The following PRKCE variants were observed in gnomAD, a reference collection of about 807,000 sequenced individuals.
PRKCE encodes protein kinase C epsilon.
Under a neutral mutation model 85.4 loss-of-function variants are expected in PRKCE, and 16 were observed. The ratio of observed to expected loss-of-function variants is 0.19; its 90% CI spans 0.13 to 0.28. PRKCE has a LOEUF of 0.28. Ranked by LOEUF, PRKCE falls within the 10% of genes least tolerant of loss-of-function variation. PRKCE has a pLI of 1.00. For synonymous variants in PRKCE, 388 were observed against 371.5 expected, an observed-to-expected ratio of 1.04 and a Z score of -0.51; for missense variants, 573 against 975.2, an observed-to-expected ratio of 0.59 and a Z score of 5.49.
At chr2:46,000,457 TAAAA>T (rs58175194) in intron 6 of PRKCE, among the ~76,000 whole-genome samples, 1 of 148,724 alleles carries the variant, frequency 6.7e-6, no homozygotes, top group Non-Finnish European at 1.5e-5. Flanking sequence ...CAATCTCTGA[TAAAA>T]AAAAAAAACA....
intron 2 of PRKCE, among the ~76,000 whole-genome samples, chr2:45,966,299 G>A (rs116615342): frequency 0.03 from 4,506 of 152,190 alleles, 86 homozygotes; most frequent in Non-Finnish European, 0.044. Flanking sequence ...TCCCACAAAC[G>A]TGTGCGTGAG....
intron 2 of PRKCE, among the ~76,000 whole-genome samples, chr2:45,852,263 G>C (rs914846936): frequency 2.0e-5 from 3 of 152,182 alleles, no homozygotes; most frequent in African/African-American, 4.8e-5. Flanking sequence ...AGTTCAAAGG[G>C]AGAAATGTTC....
intron 10 of PRKCE, among the ~76,000 whole-genome samples, chr2:46,014,317 C>T (rs757007240): frequency 2.0e-5 from 3 of 152,152 alleles, no homozygotes; most frequent in African/African-American, 7.2e-5. Context: ...TAAAGAACTT[C>T]TAATTCCAGT....
intron 2 of PRKCE, among the ~76,000 whole-genome samples, chr2:45,932,889 T>G (rs150680419): frequency 6.6e-6 from 1 of 152,370 alleles, no homozygotes; most frequent in African/African-American, 2.4e-5. Flanking sequence ...TATTTCTTTT[T>G]ATGACTGGCT....
chr2:46,090,219 G>A (rs541360972), intron 11 of PRKCE, among the ~76,000 whole-genome samples: 2 of 152,210 alleles, frequency 1.3e-5, no homozygotes, highest in East Asian at 3.9e-4. Context: ...CCTGATATAT[G>A]GAGTTCAGGA....
chr2:45,884,974 TATATATATATATATATATATA>T (rs1478615115), intron 2 of PRKCE, among the ~76,000 whole-genome samples: 3 of 63,154 alleles, frequency 4.8e-5, no homozygotes, highest in Non-Finnish European at 7.1e-5. Flanking sequence ...TATATATATA[TATATATATATATATATATATA>T]TATATATTTG....
intron 1 of PRKCE, among the ~76,000 whole-genome samples, chr2:45,736,761 A>G (rs938659): frequency 0.58 from 88,228 of 152,054 alleles, 26,926 homozygotes; most frequent in African/African-American, 0.78. Context: ...CCTCCAGTAG[A>G]TGTGAAGGAC....
intron 1 of PRKCE, among the ~76,000 whole-genome samples, chr2:45,667,980 T>G (rs579007): frequency 6.6e-6 from 1 of 152,052 alleles, no homozygotes; most frequent in East Asian, 1.9e-4. Flanking sequence ...TCTGTAAAAC[T>G]AAGTCAGTAC....
Position 46,001,014 on chromosome 2 carries a change from C to T in PRKCE, c.824-390C>T, listed in dbSNP as rs1704634537. ...ACTTCAATGAGCAGGTTGTTTTCAC[C>T]TGTGATGTCTTACACCAAGGACAAC... On this transcript the variant is annotated intron_variant, in intron 6 of 14. Coordinates refer to ENST00000306156, the MANE Select transcript of PRKCE (RefSeq NM_005400.3). This position sits in a 1 kb window ranked among gnomAD's most constrained non-coding sequence, Gnocchi z 4.4. The T allele has an allele frequency of 6.6e-6, 1 of 152,192 alleles. No homozygotes were observed. The highest frequency in any genetic ancestry group is 2.1e-4 in the South Asian group (1 of 4,830). 9.4% of individuals were successfully genotyped at this position (152,192 alleles called of 1,614,324 possible).
chr2:45,782,728 A>G (rs1686287098), intron 1 of PRKCE, among the ~76,000 whole-genome samples: 2 of 152,072 alleles, frequency 1.3e-5, no homozygotes, highest in South Asian at 4.1e-4. Context: ...CCTCTGTCAA[A>G]CAATCTATAC....
chr2:46,004,688 G>A lies in PRKCE; in HGVS notation c.1063+50G>A. The A allele has an allele frequency of 6.9e-7, 1 of 1,459,684 alleles. No homozygotes were observed. Among genetic ancestry groups the A allele is most frequent in the Non-Finnish European group, 9.3e-7 (1 of 1,075,126 alleles). The allele number at this position is 1,459,684 out of a possible 1,614,324, so 90.4% of individuals were successfully genotyped here. On this transcript the variant is annotated intron_variant, in intron 8 of 14. Transcript: ENST00000306156. The surrounding 1 kb of genome is among the most constrained non-coding windows in gnomAD (Gnocchi z 4.1). Reference sequence around the variant, plus strand: ...GACCTCTGAGTTCTGCCATTGGATGGACCAAGGAGCTCTGAGGCCTCTTTA... The same window carrying A: ...GACCTCTGAGTTCTGCCATTGGATGAACCAAGGAGCTCTGAGGCCTCTTTA...
chr2:46,163,437 A>G (rs1251780326), intron 14 of PRKCE, among the ~76,000 whole-genome samples: 98 of 87,754 alleles, frequency 1.1e-3, no homozygotes, highest in African/African-American at 2.7e-3. Context: ...TAAGAGACAC[A>G]GGGAAGCTGA....
chr2:46,093,127 A>T lies in PRKCE; in HGVS notation c.1592+6765A>T, dbSNP rs1347115881. Among the ~76,000 whole-genome samples the T allele has an allele frequency of 2.6e-5, 4 of 152,306 alleles. No individual in the cohort carries two copies. In the East Asian group the frequency reaches 5.8e-4, roughly 22 times the overall value. ...TACCCCATCCATTATAGAAAATGAT[A>T]TTTTGACATAAAATTCCTAAGGATC... On this transcript the variant is annotated intron_variant, in intron 11 of 14. Coordinates refer to ENST00000306156, the MANE Select transcript of PRKCE (RefSeq NM_005400.3).
intron 1 of PRKCE, among the ~76,000 whole-genome samples, chr2:45,818,454 A>T (rs1052327129): frequency 6.6e-6 from 1 of 152,210 alleles, no homozygotes; most frequent in Non-Finnish European, 1.5e-5. Flanking sequence ...CCTGGGTCTC[A>T]ATCATCCTAA....
chr2:45,878,174 C>A (rs1206184284), intron 2 of PRKCE, among the ~76,000 whole-genome samples: 1 of 152,208 alleles, frequency 6.6e-6, no homozygotes. Context: ...AGCAGCAGAA[C>A]CTAGACGAAA....
intron 1 of PRKCE, among the ~76,000 whole-genome samples, chr2:45,738,989 G>A (rs1362834232): frequency 6.6e-6 from 1 of 152,190 alleles, no homozygotes; most frequent in African/African-American, 2.4e-5. Flanking sequence ...AAGGATAGAT[G>A]GAAGCAAAGT....
chr2:46,143,577 G>A (rs1675772994), intron 11 of PRKCE, among the ~76,000 whole-genome samples: 1 of 152,144 alleles, frequency 6.6e-6, no homozygotes, highest in Non-Finnish European at 1.5e-5. Context: ...CCAGCAAGGT[G>A]ACTTTACCAG....
At chr2:46,046,995 G>A (rs1708562066) in intron 10 of PRKCE, among the ~76,000 whole-genome samples, 1 of 152,158 alleles carries the variant, frequency 6.6e-6, no homozygotes, top group Non-Finnish European at 1.5e-5. Context: ...AACTTAGTGG[G>A]GAAGGCCATG....
chr2:45,707,010 G>A (rs1679168655), intron 1 of PRKCE, among the ~76,000 whole-genome samples: 1 of 152,166 alleles, frequency 6.6e-6, no homozygotes, highest in Non-Finnish European at 1.5e-5. Flanking sequence ...CTTTGACTGG[G>A]GAACTAGCTC....
Sources: allele counts gnomAD v4.1 joint callset (sites outside exome capture counted in the v4.1 genomes callset), GRCh38; gene constraint gnomAD v4.1.1; non-coding constraint Gnocchi (gnomAD v3.1); transcripts MANE v1.5; gene names NCBI Gene and HGNC (gene_info 2026-07-23, HGNC 2026-07-21).